Variants in C5orf47 observed in about 807,000 individuals in gnomAD.
C5orf47 encodes uncharacterized protein C5orf47.
A neutral mutation model predicts 20.6 loss-of-function variants in C5orf47; 20 were observed. The ratio of observed to expected loss-of-function variants is 0.97; its 90% CI spans 0.68 to 1.41. The LOEUF (loss-of-function observed/expected upper bound fraction) is 1.41. C5orf47 is among the 40% of genes most tolerant of loss of function. The probability of loss-of-function intolerance (pLI) is 0.00; values close to 1 mark genes in which losing one functional copy is unlikely to be tolerated. For synonymous variants in C5orf47, 106 were observed against 97.3 expected (o/e 1.09, Z -0.53); for missense variants, 262 against 238.4 (o/e 1.10, Z -0.65).
rs1759270700 is a variant in C5orf47 at position 174,005,339 on chromosome 5, A to G, written c.*1085A>G. The G allele has an allele frequency of 6.6e-6, 1 of 152,254 alleles. No homozygotes were observed. Among genetic ancestry groups the G allele is most frequent in the South Asian group, 2.1e-4 (1 of 4,836 alleles). The allele number at this position is 152,254 out of a possible 1,614,324, so 9.4% of individuals were successfully genotyped here. On this transcript the variant is annotated 3_prime_UTR_variant, in exon 5 of 5. Coordinates refer to ENST00000340147, the MANE Select transcript of C5orf47 (RefSeq NM_001144954.2). ...TGTTAATATACAAAATTCTCATGAA[A>G]TAGTACAAGTTGTAAGGACTGTAAA...
rs771037818 is a variant in C5orf47, at chr5:174,004,674, T to C, written c.*420T>C. 2 of 152,318 alleles carry C rather than the reference T, an allele frequency of 1.3e-5. No homozygotes were observed. Among genetic ancestry groups the C allele is most frequent in the Non-Finnish European group, 2.9e-5 (2 of 68,012 alleles). The allele number at this position is 152,318 out of a possible 1,614,324, so 9.4% of individuals were successfully genotyped here. A position where few individuals can be genotyped will look rare whatever the true frequency, so the allele number is the denominator to read the frequency against. ...TGTAACTCTTAAATTAAACTTGGAT[T>C]CATTTAAATTATTTTTGGCTTCCTC... On this transcript the variant is annotated 3_prime_UTR_variant, in exon 5 of 5. Coordinates refer to ENST00000340147, the MANE Select transcript of C5orf47 (RefSeq NM_001144954.2).
intron 3 of C5orf47, among the ~76,000 whole-genome samples, chr5:174,000,308 G>A (rs897184793): frequency 9.9e-5 from 15 of 151,984 alleles, no homozygotes; most frequent in African/African-American, 3.4e-4. Context: ...GAATTAAACC[G>A]TGCTCTAAAG....
chr5:173,993,149 T>C (rs1383403723), intron 1 of C5orf47, among the ~76,000 whole-genome samples: 1 of 152,216 alleles, frequency 6.6e-6, no homozygotes. Context: ...TTCTAGTTTC[T>C]CTTCCCTGCT....
intron 1 of C5orf47, among the ~76,000 whole-genome samples, chr5:173,993,485 A>G (rs1759035359): frequency 6.6e-6 from 1 of 152,208 alleles, no homozygotes; most frequent in Admixed American, 6.5e-5. Context: ...TGCCAAAAAT[A>G]CAAAAATTAG....
Position 173,989,581 on chromosome 5 carries a change from G to A in C5orf47, c.318G>A (p.Ala106=), listed in dbSNP as rs1758944444. The A allele has an allele frequency of 2.1e-6, 3 of 1,453,696 alleles. No homozygotes were observed. The East Asian group carries it at 8.0e-5, about 39-fold the overall frequency. The allele number at this position is 1,453,696 out of a possible 1,614,324, so 90.0% of individuals were successfully genotyped here. A position where few individuals can be genotyped will look rare whatever the true frequency, so the allele number is the denominator to read the frequency against. The change falls in exon 1 of 5, where the codon GCG becomes GCA. Residue 106 remains alanine, a synonymous_variant. Coordinates refer to ENST00000340147, the MANE Select transcript of C5orf47 (RefSeq NM_001144954.2). ...SRVQSGTRQS[A]RAGLIQKDAA... ...TTCAGAGCGGCACCAGACAGTCGGC[G>A]CGTGCAGGTGGTGCAGCGGGGCAGG...
At position 174,001,228 on chromosome 5, in the gene C5orf47, T is replaced by A; in HGVS notation, c.*13T>A. On this transcript the variant is annotated 3_prime_UTR_variant, in exon 4 of 5. Transcript: ENST00000340147. ...TTACACAAGATGAATCTTCTTATCT[T>A]CTGGTAAGAATTTATTTACGTAATA... 1 of 1,444,646 alleles carries A rather than the reference T, an allele frequency of 6.9e-7. No homozygotes were observed. Among genetic ancestry groups the A allele is most frequent in the Admixed American group, 2.1e-5 (1 of 47,952 alleles). The allele number at this position is 1,444,646 out of a possible 1,614,324, so 89.5% of individuals were successfully genotyped here. A position where few individuals can be genotyped will look rare whatever the true frequency, so the allele number is the denominator to read the frequency against.
intron 4 of C5orf47, 94 bp downstream of exon 4, chr5:174,001,325 C>T (rs999522856): frequency 2.8e-6 from 2 of 703,926 alleles, no homozygotes; most frequent in African/African-American, 3.6e-5. Context: ...TATAACCAAT[C>T]ATTGCTAATT....
In C5orf47 at chr5:174,004,804, C is replaced by T. The variant is rs1023956500; in HGVS notation, c.*550C>T. 3.9e-5 allele frequency: 6 copies of T among 151,996 alleles called. No individual in the cohort carries two copies. Among genetic ancestry groups the T allele is most frequent in the African/African-American group, 1.5e-4 (6 of 41,360 alleles). The allele number at this position is 151,996 out of a possible 1,614,324, so 9.4% of individuals were successfully genotyped here. A position where few individuals can be genotyped will look rare whatever the true frequency, so the allele number is the denominator to read the frequency against. ...TGATTATTTAAGCCATCTTTTCATC[C>T]TAAGGAAAATTAGTAAATGTATGCA... On this transcript the variant is annotated 3_prime_UTR_variant, in exon 5 of 5. Coordinates refer to ENST00000340147, the MANE Select transcript of C5orf47 (RefSeq NM_001144954.2).
chr5:173,992,803 CAG>C (rs571882328), intron 1 of C5orf47, among the ~76,000 whole-genome samples: 282 of 152,248 alleles, frequency 1.9e-3, no homozygotes, highest in African/African-American at 6.3e-3. Context: ...TTATTGTGAT[CAG>C]AGAGTATTGT....
At chr5:173,994,907 A>G (rs889980639) in intron 1 of C5orf47, among the ~76,000 whole-genome samples, 5 of 152,024 alleles carry the variant, frequency 3.3e-5, no homozygotes, top group Non-Finnish European at 7.4e-5. Flanking sequence ...TCTGCCTCCC[A>G]GGTTCAAGTG....
At position 173,989,197 on chromosome 5, in the gene C5orf47, A is replaced by C; in HGVS notation, c.-67A>C. 3 of 1,320,244 alleles carry C rather than the reference A, an allele frequency of 2.3e-6. No individual in the cohort carries two copies. Among genetic ancestry groups the C allele is most frequent in the Non-Finnish European group, 2.9e-6 (3 of 1,032,718 alleles). 81.8% of individuals were successfully genotyped at this position (1,320,244 alleles called of 1,614,324 possible). ...CCGCTCCCGCATCCCTCGCCTGCAC[A>C]GTGGGCAGTCTGGCGCCTGTGGCGT... On this transcript the variant is annotated 5_prime_UTR_variant, in exon 1 of 5. Transcript: ENST00000340147.
At position 173,989,257 on chromosome 5, in the gene C5orf47, G is replaced by A. The variant is rs543952061; in HGVS notation, c.-7G>A. 28 of 1,384,308 alleles carry A rather than the reference G, an allele frequency of 2.0e-5. 1 individual carries two copies. In the South Asian group the frequency reaches 4.2e-4, roughly 21 times the overall value. 85.8% of individuals were successfully genotyped at this position (1,384,308 alleles called of 1,614,324 possible). A position where few individuals can be genotyped will look rare whatever the true frequency, so the allele number is the denominator to read the frequency against. ...TGAGGGCCCGGCTGCCGTTGACTGA[G>A]GCTGCGATGGCGGCGGCAGGCCGGG... On this transcript the variant is annotated 5_prime_UTR_variant, in exon 1 of 5. Transcript: ENST00000340147.
Position 173,989,715 on chromosome 5 carries a change from C to G in C5orf47, c.325+127C>G, listed in dbSNP as rs746876903. The G allele has an allele frequency of 2.0e-5, 17 of 857,226 alleles. No individual in the cohort carries two copies. The East Asian group carries it at 5.6e-4, about 28-fold the overall frequency. The allele number at this position is 857,226 out of a possible 1,614,324, so 53.1% of individuals were successfully genotyped here. On this transcript the variant is annotated intron_variant, in intron 1 of 4. Transcript: ENST00000340147. ...GCAGCTTTCCTGTCAGGCCGTGTTG[C>G]GAGCACGCGCAGGGGCGAAGGAGAA...
Position 173,998,030 on chromosome 5 carries a change from C to T in C5orf47, c.326-123C>T, listed in dbSNP as rs1231189837. On this transcript the variant is annotated intron_variant, in intron 1 of 4. Coordinates refer to ENST00000340147, the MANE Select transcript of C5orf47 (RefSeq NM_001144954.2). ...TGGTAAACCAGTATTACCTGGTGAT[C>T]AGAAATATACCAACAAGTATAAAAA... 2.0e-5 allele frequency: 12 copies of T among 615,318 alleles called. No individual in the cohort carries two copies. In the East Asian group the frequency reaches 2.8e-4, roughly 14 times the overall value. 38.1% of individuals were successfully genotyped at this position (615,318 alleles called of 1,614,324 possible).
chr5:174,002,432 C>T (rs1366321540), intron 4 of C5orf47, among the ~76,000 whole-genome samples: 1 of 152,098 alleles, frequency 6.6e-6, no homozygotes, highest in African/African-American at 2.4e-5. Flanking sequence ...AGGATTTGTA[C>T]TTCATTCAGT....
intron 2 of C5orf47, 61 bp downstream of exon 2, chr5:173,998,299 A>G (rs1271087965): frequency 2.3e-6 from 2 of 860,488 alleles, no homozygotes; most frequent in Non-Finnish European, 3.7e-6. Flanking sequence ...CTCTAAATAC[A>G]AATGTGTAAA....
intron 1 of C5orf47, among the ~76,000 whole-genome samples, chr5:173,996,120 A>G (rs934367488): frequency 4.6e-5 from 7 of 152,166 alleles, no homozygotes; most frequent in African/African-American, 1.7e-4. Context: ...GCTTTATGAT[A>G]GTGGAAGCTC....
rs115473626 is a variant in C5orf47, at chr5:173,989,505, C to T, written c.242C>T (p.Pro81Leu). Residue 81 changes from proline to leucine, a missense_variant, in exon 1 of 5, where the codon CCT (proline) becomes CTT (leucine). Transcript: ENST00000340147. ...TCCCAGCTCAGGGTCCCCACGACCCCTGGTGTGGAGGCTGCGGCCTCTGCC... is the reference window on the plus strand; with the variant it reads ...TCCCAGCTCAGGGTCCCCACGACCCTTGGTGTGGAGGCTGCGGCCTCTGCC... ...LGSQLRVPTTPGVEAAASASS... is the reference protein window; with the variant it reads ...LGSQLRVPTTLGVEAAASASS... 5.2e-3 allele frequency: 8,010 copies of T among 1,543,982 alleles called. 42 individuals are homozygous for T. Among genetic ancestry groups the T allele is most frequent in the African/African-American group, 0.018 (1,324 of 72,798 alleles).
intron 1 of C5orf47, among the ~76,000 whole-genome samples, chr5:173,997,727 T>C (rs1759123654): frequency 6.6e-6 from 1 of 152,092 alleles, no homozygotes; most frequent in Non-Finnish European, 1.5e-5. Flanking sequence ...TGTGTGTGTG[T>C]GCTGAAAGTG....
Sources: gnomAD v4.1 joint callset for allele counts (sites outside exome capture counted in the v4.1 genomes callset) on GRCh38, gnomAD v4.1.1 for gene constraint, MANE v1.5 for transcripts, NCBI Gene and HGNC (gene_info 2026-07-23, HGNC 2026-07-21) for gene names.